CCDC88A: variants seen among roughly 807,000 people sequenced by gnomAD.
CCDC88A encodes the protein coiled-coil and HOOK domain protein 88A.
Under a neutral mutation model 234.3 loss-of-function variants are expected in CCDC88A, and 54 were observed. The observed-to-expected ratio is 0.23, with a 90% CI of 0.19 to 0.29. The LOEUF (loss-of-function observed/expected upper bound fraction) is 0.29. Among genes scored for constraint, CCDC88A ranks in the 10% least tolerant of loss-of-function variants. The pLI is 1.00. For missense variants in CCDC88A, 1,832 were observed against 2,123.4 expected, an observed-to-expected ratio of 0.86 and a Z score of 2.70; for synonymous variants, 753 against 737.8, an observed-to-expected ratio of 1.02 and a Z score of -0.33.
chr2:55,401,403 C>A (rs1678597806), intron 2 of CCDC88A, among the ~76,000 whole-genome samples: 1 of 137,110 alleles, frequency 7.3e-6, no homozygotes, highest in African/African-American at 2.7e-5. Flanking sequence ...CACTGCATTC[C>A]AGCCTGGATG....
intron 5 of CCDC88A, among the ~76,000 whole-genome samples, chr2:55,365,931 T>C (rs1671879450): frequency 6.6e-6 from 1 of 152,202 alleles, no homozygotes; most frequent in Admixed American, 6.5e-5. Flanking sequence ...ACTGGGAAAC[T>C]GAAATTTTAA....
intron 5 of CCDC88A, among the ~76,000 whole-genome samples, chr2:55,368,233 C>A (rs896553540): frequency 1.3e-5 from 2 of 152,056 alleles, no homozygotes; most frequent in Non-Finnish European, 2.9e-5. Context: ...CAAGCCCTGG[C>A]CTTGGATGGT....
At chr2:55,345,366 T>A (rs560618831) in intron 10 of CCDC88A, 1 of 152,250 alleles carries the variant, frequency 6.6e-6, no homozygotes, top group African/African-American at 2.4e-5. Context: ...GATGAGGAAA[T>A]TAACTGAGAA....
rs6726741 is a variant in CCDC88A, at chr2:55,401,447, A to T, written c.165-12561T>A. ...AGACTCTGTCTCCAAAAAAAAAAAA[A>T]ATATATATATATATATATACATATG... On this transcript the variant is annotated intron_variant, in intron 2 of 32. Coordinates refer to ENST00000436346, the MANE Select transcript of CCDC88A (RefSeq NM_001365480.1). Among the ~76,000 whole-genome samples, 68 of 27,152 alleles carry T rather than the reference A, an allele frequency of 2.5e-3. 13 individuals carry two copies. The highest frequency in any genetic ancestry group is 0.025 in the South Asian group (32 of 1,278). The allele number at this position is 27,152 out of a possible 152,430, so 17.8% of individuals were successfully genotyped here.
chr2:55,296,039 T>G lies in CCDC88A; in HGVS notation c.5109A>C (p.Gln1703His), dbSNP rs1271602127. The G allele has an allele frequency of 6.2e-7, 1 of 1,602,496 alleles. No homozygotes were observed. The highest frequency in any genetic ancestry group is 2.2e-5 in the East Asian group (1 of 44,830). Residue 1703 changes from glutamine to histidine, a missense_variant, in exon 31 of 33, where the codon CAA becomes CAC. Gln to His is a conservative substitution (Grantham distance 24, BLOSUM62 0). Transcript: ENST00000436346. ...LTSVQIKSSS[Q>H]ENLLDEVMKS... is the part of the protein sequence containing the mutation. ...TCATTACTTCATCTAAAAGATTCTC[T>G]TGACTTGAGGACTTTATCTGTTTAA...
At position 55,343,959 on chromosome 2, in the gene CCDC88A, A is replaced by G. The variant is rs999497613; in HGVS notation, c.1189-167T>C. The G allele has an allele frequency of 5.7e-6, 3 of 523,754 alleles. No homozygotes were observed. The African/African-American group carries it at 5.9e-5, about 10-fold the overall frequency. 32.4% of individuals were successfully genotyped at this position (523,754 alleles called of 1,614,324 possible). On this transcript the variant is annotated intron_variant, in intron 11 of 32. Transcript: ENST00000436346. ...AATTATAATTATTACCGGTCATTAT[A>G]CTGATTAAGTGTCTGACATCCTTTT...
intron 17 of CCDC88A, among the ~76,000 whole-genome samples, chr2:55,327,677 G>A (rs554318579): frequency 1.3e-5 from 2 of 152,306 alleles, no homozygotes; most frequent in East Asian, 3.9e-4. Flanking sequence ...GATGATAAAA[G>A]GGTGAATAAA....
chr2:55,357,713 A>G (rs1336180474), intron 7 of CCDC88A, among the ~76,000 whole-genome samples: 1 of 152,024 alleles, frequency 6.6e-6, no homozygotes, highest in Non-Finnish European at 1.5e-5. Context: ...CTGAATCATT[A>G]CTTTTTCTTT....
intron 3 of CCDC88A, chr2:55,388,445 T>TAA (rs1676066660): frequency 1.8e-5 from 1 of 55,708 alleles, no homozygotes; most frequent in Non-Finnish European, 5.4e-5. Flanking sequence ...TCAGGTTTTT[T>TAA]TTTTAAAAAA....
At chr2:55,418,498 A>G in intron 2 of CCDC88A, 1 of 307,348 alleles carries the variant, frequency 3.3e-6, no homozygotes, top group East Asian at 5.6e-5. Context: ...AGGAAACCAG[A>G]TTCTCATTTT....
chr2:55,368,155 T>G (rs1174339813), intron 5 of CCDC88A, among the ~76,000 whole-genome samples: 2 of 152,198 alleles, frequency 1.3e-5, no homozygotes, highest in African/African-American at 2.4e-5. Context: ...TTCAGAAGAC[T>G]TGGGTTGCCC....
At position 55,332,791 on chromosome 2, in the gene CCDC88A, T is replaced by G; in HGVS notation, c.2728-98A>C. ...CTAATTACCACCATCTAGGAATACA[T>G]GTAATTTGAACCAGGAAATGTCATT... On this transcript the variant is annotated intron_variant, in intron 15 of 32. Transcript: ENST00000436346. This position sits in a 1 kb window ranked among gnomAD's most constrained non-coding sequence, Gnocchi z 4.5. 2 of 1,021,588 alleles carry G rather than the reference T, an allele frequency of 2.0e-6. No individual in the cohort carries two copies. The highest frequency in any genetic ancestry group is 1.6e-5 in the African/African-American group (1 of 62,426). 63.3% of individuals were successfully genotyped at this position (1,021,588 alleles called of 1,614,324 possible). A position where few individuals can be genotyped will look rare whatever the true frequency, so the allele number is the denominator to read the frequency against.
chr2:55,347,591 T>C (rs536907677), intron 9 of CCDC88A, among the ~76,000 whole-genome samples: 3 of 150,214 alleles, frequency 2.0e-5, no homozygotes, highest in South Asian at 2.1e-4. Context: ...ATACCTATGT[T>C]ATCTATTCAT....
At chr2:55,375,469 CTATATATA>C (rs869279076) in intron 3 of CCDC88A, among the ~76,000 whole-genome samples, 37 of 26,606 alleles carry the variant, frequency 1.4e-3, no homozygotes, top group African/African-American at 2.7e-3. Flanking sequence ...TGTCACTGTA[CTATATATA>C]TATATATATA....
intron 2 of CCDC88A, among the ~76,000 whole-genome samples, chr2:55,410,987 GT>G (rs1434952068): frequency 6.6e-6 from 1 of 151,940 alleles, no homozygotes; most frequent in Non-Finnish European, 1.5e-5. Context: ...TAATTTTCCA[GT>G]TTCAATAACT....
chr2:55,364,905 T>C (rs1671758181), intron 5 of CCDC88A, among the ~76,000 whole-genome samples: 1 of 152,118 alleles, frequency 6.6e-6, no homozygotes, highest in Non-Finnish European at 1.5e-5. Flanking sequence ...CAGCACTGCC[T>C]TGTCTAACTT....
chr2:55,305,358 T>C (rs747355006), intron 25 of CCDC88A, among the ~76,000 whole-genome samples: 2 of 152,236 alleles, frequency 1.3e-5, no homozygotes, highest in African/African-American at 4.8e-5. Context: ...TTAGTATTTG[T>C]TGGGTTTGGG....
intron 3 of CCDC88A, among the ~76,000 whole-genome samples, chr2:55,377,405 G>C (rs1673846912): frequency 6.6e-6 from 1 of 150,934 alleles, no homozygotes; most frequent in Non-Finnish European, 1.5e-5. Context: ...CAATCCTCCT[G>C]TCTTGGCCTC....
At chr2:55,336,613 T>A in intron 14 of CCDC88A, 68 bp downstream of exon 14, 2 of 992,672 alleles carry the variant, frequency 2.0e-6, no homozygotes, top group South Asian at 2.0e-5. Context: ...TTTGTTTGCA[T>A]ATATTTTAAA....
Sources: allele counts gnomAD v4.1 joint callset (sites outside exome capture counted in the v4.1 genomes callset), GRCh38; gene constraint gnomAD v4.1.1; non-coding constraint Gnocchi (gnomAD v3.1); transcripts MANE v1.5; gene names NCBI Gene and HGNC (gene_info 2026-07-23, HGNC 2026-07-21).